The following INTS6 variants were observed in gnomAD, a reference collection of about 807,000 sequenced individuals.
INTS6 encodes DEAD box protein.
In INTS6, 16 loss-of-function variants were observed where a neutral mutation model predicts 104.9. The observed-to-expected ratio is 0.15, with a 90% CI of 0.10 to 0.23. INTS6 has a LOEUF of 0.23. INTS6 is among the 10% of genes least tolerant of loss of function. The probability of loss-of-function intolerance (pLI) is 1.00; values close to 1 mark genes in which losing one functional copy is unlikely to be tolerated. For synonymous variants in INTS6, 324 were observed against 358.7 expected (o/e 0.90, Z 1.09); for missense variants, 584 against 1,062.8 (o/e 0.55, Z 6.26).
Position 51,364,840 on chromosome 13 carries a change from C to T in INTS6, c.*912G>A, listed in dbSNP as rs1955655198. 1 of 152,134 alleles carries T rather than the reference C, an allele frequency of 6.6e-6. No individual in the cohort carries two copies. The highest frequency in any genetic ancestry group is 1.5e-5 in the Non-Finnish European group (1 of 67,996). 9.4% of individuals were successfully genotyped at this position (152,134 alleles called of 1,614,324 possible). On this transcript the variant is annotated 3_prime_UTR_variant, in exon 18 of 18. Coordinates refer to ENST00000311234, the MANE Select transcript of INTS6 (RefSeq NM_012141.3). ...TTCAGAGCATGTACTGTACTCCAAACCTACCACTCCCTAACAGCTTCAGCT... is the reference window on the plus strand; with the variant it reads ...TTCAGAGCATGTACTGTACTCCAAATCTACCACTCCCTAACAGCTTCAGCT...
intron 4 of INTS6, among the ~76,000 whole-genome samples, chr13:51,409,082 T>C (rs111587062): frequency 0.013 from 2,004 of 152,000 alleles, 49 homozygotes; most frequent in African/African-American, 0.045. Context: ...CTTTTGGCCA[T>C]TAGAAGTTAA....
the INTS6 span, chr13:51,348,112 A>T: frequency 1.1e-6 from 1 of 872,694 alleles, no homozygotes; most frequent in Non-Finnish European, 1.8e-6. Context: ...GCTCGGTTTT[A>T]TTGTTTCCAG....
chr13:51,367,777 A>AT, intron 17 of INTS6, 28 bp downstream of exon 17: 1 of 1,267,496 alleles, frequency 7.9e-7, no homozygotes, highest in Non-Finnish European at 1.1e-6. Flanking sequence ...TTTCATCACC[A>AT]TTTCATTATA....
At chr13:51,354,315 C>CT (rs1955446570) in exon 4 of INTS6, 1 of 152,054 alleles carries the variant, frequency 6.6e-6, no homozygotes, top group Non-Finnish European at 1.5e-5. Context: ...TTCTTAAACT[C>CT]TTTAAGTCTT....
intron 11 of INTS6, 94 bp downstream of exon 11, chr13:51,379,368 T>C: frequency 5.5e-6 from 3 of 542,104 alleles, no homozygotes. Context: ...TGGAATTCCA[T>C]TAGAACCATC....
At chr13:51,443,859 T>C (rs1368583908) in intron 3 of INTS6, 6 of 152,202 alleles carry the variant, frequency 3.9e-5, no homozygotes, top group African/African-American at 9.7e-5. Flanking sequence ...TGTAGAAATC[T>C]ATGACATGAA....
chr13:51,355,000 G>A, intron 3 of INTS6: 1 of 976,238 alleles, frequency 1.0e-6, no homozygotes, highest in East Asian at 2.6e-5. Flanking sequence ...AAAGTATATT[G>A]AGTGAGAATT....
the INTS6 span, chr13:51,348,065 C>A: frequency 1.6e-6 from 1 of 623,810 alleles, no homozygotes; most frequent in Non-Finnish European, 2.8e-6. Context: ...GCCCAACAGT[C>A]TTTGGCCTGA....
At chr13:51,429,126 T>C (rs550467613) in intron 4 of INTS6, among the ~76,000 whole-genome samples, 2 of 152,298 alleles carry the variant, frequency 1.3e-5, no homozygotes, top group Admixed American at 6.5e-5. Context: ...TGCTAGAAAG[T>C]AGATAAACAA....
chr13:51,361,822 T>C lies in INTS6; in HGVS notation c.*3930A>G, dbSNP rs757045303. 1.2e-5 allele frequency: 20 copies of C among 1,605,430 alleles called. No homozygotes were observed. In the South Asian group the frequency reaches 1.3e-4, roughly 11 times the overall value. ...TTCTTTCCTGCAGCTCTGTTGTTAT[T>C]GAAAAGGTCTCGGATTCCTATTTTT... On this transcript the variant is annotated 3_prime_UTR_variant, in exon 18 of 18. Transcript: ENST00000311234.
Position 51,387,370 on chromosome 13 carries a change from A to G in INTS6, c.894+16T>C, listed in dbSNP as rs150388737. ...TGAATGGTTACTATTACATAGTTAC[A>G]GTCTCTGGTACTTACTAGTGTTGGC... On this transcript the variant is annotated intron_variant, in intron 7 of 17. Transcript: ENST00000311234. 64 of 1,594,294 alleles carry G rather than the reference A, an allele frequency of 4.0e-5. No individual in the cohort carries two copies. The African/African-American group carries it at 7.7e-4, about 19-fold the overall frequency.
At chr13:51,388,354 TTGTGTG>T (rs754391935) in intron 6 of INTS6, among the ~76,000 whole-genome samples, 1 of 151,198 alleles carries the variant, frequency 6.6e-6, no homozygotes, top group African/African-American at 2.4e-5. Flanking sequence ...CTCTAAATCT[TTGTGTG>T]TGTGTGTGTT....
the INTS6 span, chr13:51,348,302 CG>C: frequency 6.2e-7 from 1 of 1,612,898 alleles, no homozygotes; most frequent in Non-Finnish European, 8.5e-7. Context: ...GGTGCTGCCC[CG>C]TGACAAAGAC....
At chr13:51,451,855 C>G (rs573492218) in intron 2 of INTS6, 123 bp downstream of exon 2, 32 of 539,212 alleles carry the variant, frequency 5.9e-5, no homozygotes, top group Non-Finnish European at 9.0e-5. Context: ...GAGACCTCAG[C>G]GGCTGGGAGC....
At chr13:51,420,745 G>C (rs544421232) in intron 4 of INTS6, among the ~76,000 whole-genome samples, 1 of 145,440 alleles carries the variant, frequency 6.9e-6, no homozygotes, top group East Asian at 2.0e-4. Flanking sequence ...AGAATACCTT[G>C]CTAGCTAAAT....
Position 51,378,361 on chromosome 13 carries a change from A to G in INTS6, c.1480T>C (p.Ser494Pro), listed in dbSNP as rs1254345559. The G allele has an allele frequency of 1.2e-6, 2 of 1,613,520 alleles. No individual in the cohort carries two copies. The highest frequency in any genetic ancestry group is 1.7e-5 in the Admixed American group (1 of 60,016). The change falls in exon 12 of 18, where the codon TCA becomes CCA. Residue 494 changes from serine (S) to proline (P), a missense_variant. Ser to Pro is a moderately conservative substitution (Grantham distance 74). Transcript: ENST00000311234. ...IKVRSRSHGL[S>P]MAYRKDFQQL... ...TGAAAATCTTTCCTATATGCCATTG[A>G]TAAACCATGTGATCGGCTCCGGACT...
intron 15 of INTS6, among the ~76,000 whole-genome samples, chr13:51,370,411 G>A (rs901064939): frequency 2.0e-5 from 3 of 152,074 alleles, no homozygotes; most frequent in Non-Finnish European, 4.4e-5. Flanking sequence ...AATCTCCAGG[G>A]TACAAGCCTG....
chr13:51,421,565 A>T (rs1956896487), intron 4 of INTS6, among the ~76,000 whole-genome samples: 1 of 152,216 alleles, frequency 6.6e-6, no homozygotes, highest in Admixed American at 6.5e-5. Flanking sequence ...ACAGTATTAC[A>T]TCTGAAAAGA....
intron 4 of INTS6, chr13:51,402,788 C>T (rs1422864424): frequency 1.3e-5 from 2 of 152,102 alleles, no homozygotes; most frequent in East Asian, 1.9e-4. Context: ...AGAATAAAAC[C>T]TACTTCTCCA....
Sources: gnomAD v4.1 joint callset for allele counts (sites outside exome capture counted in the v4.1 genomes callset) on GRCh38, gnomAD v4.1.1 for gene constraint, MANE v1.5 for transcripts, NCBI Gene and HGNC (gene_info 2026-07-23, HGNC 2026-07-21) for gene names.